Variants in CNOT6 observed in about 807,000 individuals in gnomAD.
CNOT6 encodes the protein carbon catabolite repression 4 protein.
In CNOT6, 12 loss-of-function variants were observed where a neutral mutation model predicts 61.2. The ratio of observed to expected loss-of-function variants is 0.20; its 90% CI spans 0.13 to 0.32. The LOEUF is 0.32. CNOT6 is among the 10% of genes least tolerant of loss of function. The pLI is 1.00. For synonymous variants in CNOT6, 225 were observed against 240.6 expected (o/e 0.94, Z 0.60); for missense variants, 405 against 663.9 (o/e 0.61, Z 4.28).
chr5:180,499,839 T>A (rs13156947), intron 1 of CNOT6, among the ~76,000 whole-genome samples: 2 of 152,194 alleles, frequency 1.3e-5, no homozygotes, highest in Admixed American at 6.5e-5. Flanking sequence ...GAATTACTTA[T>A]AATCAGATGG....
chr5:180,558,677 C>CTGTCTTTATTGAGACTTT (rs1760026700), intron 4 of CNOT6, among the ~76,000 whole-genome samples: 1 of 150,756 alleles, frequency 6.6e-6, no homozygotes, highest in African/African-American at 2.4e-5. Context: ...ATTGAGGCTT[C>CTGTCTTTATTGAGACTTT]TGTCTTTATT....
intron 2 of CNOT6, among the ~76,000 whole-genome samples, chr5:180,533,311 C>CATATATATATATATATATATATATATAT (rs1305701783): frequency 6.1e-5 from 4 of 65,220 alleles, no homozygotes; most frequent in East Asian, 4.0e-4. Context: ...TGGATGAAAA[C>CATATATATATATATATATATATATATAT]CTATATATAT....
At chr5:180,563,387 TTTG>T (rs552057399) in intron 4 of CNOT6, among the ~76,000 whole-genome samples, 2,845 of 45,346 alleles carry the variant, frequency 0.063, 37 homozygotes, top group South Asian at 0.23. Flanking sequence ...GCTGTTTTTT[TTTG>T]TTTGTTTTTG....
intron 1 of CNOT6, among the ~76,000 whole-genome samples, chr5:180,510,332 A>G (rs1188836924): frequency 6.6e-6 from 1 of 151,572 alleles, no homozygotes; most frequent in Non-Finnish European, 1.5e-5. Context: ...ACTGGCCAAT[A>G]TGTGAAGGAA....
chr5:180,501,789 G>A lies in CNOT6; in HGVS notation c.-3+7026G>A, dbSNP rs1283458921. Reference sequence around the variant, plus strand: ...TTGAAGAGACAAGGGCAGAACAGGAGAGAGTAACGCTACAGATGCCGAGAG... The same window carrying A: ...TTGAAGAGACAAGGGCAGAACAGGAAAGAGTAACGCTACAGATGCCGAGAG... On this transcript the variant is annotated intron_variant, in intron 1 of 11. Transcript: ENST00000261951. Among the ~76,000 whole-genome samples, 3 of 152,326 alleles carry A rather than the reference G, an allele frequency of 2.0e-5. No individual in the cohort carries two copies. The East Asian group carries it at 5.8e-4, about 29-fold the overall frequency.
In CNOT6 at chr5:180,577,966, T is replaced by C. The variant is rs1278742737; in HGVS notation, c.*3766T>C. The stretch of plus-strand genomic sequence containing the variant: ...CCAACCAATAAATTCAGTATCTGTT[T>C]CAAATATTTTAGAAGTGTAGTTTGT... On this transcript the variant is annotated 3_prime_UTR_variant, in exon 12 of 12. Coordinates refer to ENST00000261951, the MANE Select transcript of CNOT6 (RefSeq NM_001370472.1). The C allele has an allele frequency of 6.6e-6, 1 of 152,656 alleles. No homozygotes were observed. Among genetic ancestry groups the C allele is most frequent in the Non-Finnish European group, 1.5e-5 (1 of 68,046 alleles). 9.5% of individuals were successfully genotyped at this position (152,656 alleles called of 1,614,324 possible). A position where few individuals can be genotyped will look rare whatever the true frequency, so the allele number is the denominator to read the frequency against.
At chr5:180,573,131 C>T (rs1014406107) in intron 11 of CNOT6, among the ~76,000 whole-genome samples, 2 of 152,168 alleles carry the variant, frequency 1.3e-5, no homozygotes, top group African/African-American at 2.4e-5. Context: ...TTAGCGTTTT[C>T]TTTCTCTTTC....
At chr5:180,546,930 A>C (rs1395483561) in intron 2 of CNOT6, among the ~76,000 whole-genome samples, 1 of 152,218 alleles carries the variant, frequency 6.6e-6, no homozygotes, top group East Asian at 1.9e-4. Context: ...TTGGGGTTGG[A>C]ACCCAAGTCT....
intron 1 of CNOT6, among the ~76,000 whole-genome samples, chr5:180,501,454 T>A (rs956581493): frequency 6.6e-6 from 1 of 152,234 alleles, no homozygotes; most frequent in Non-Finnish European, 1.5e-5. Context: ...ACATACCTCC[T>A]GGATACTTAG....
intron 1 of CNOT6, among the ~76,000 whole-genome samples, chr5:180,511,715 A>G (rs1346484715): frequency 6.6e-6 from 1 of 151,928 alleles, no homozygotes; most frequent in Non-Finnish European, 1.5e-5. Flanking sequence ...GCAGTGAGCC[A>G]TGATTGTGCT....
intron 6 of CNOT6, among the ~76,000 whole-genome samples, chr5:180,565,085 A>G (rs977401382): frequency 6.6e-6 from 1 of 152,242 alleles, no homozygotes; most frequent in Non-Finnish European, 1.5e-5. Context: ...ATTCTATAGT[A>G]CACGGCACAG....
chr5:180,574,356 G>C lies in CNOT6; in HGVS notation c.*156G>C. On this transcript the variant is annotated 3_prime_UTR_variant, in exon 12 of 12. Coordinates refer to ENST00000261951, the MANE Select transcript of CNOT6 (RefSeq NM_001370472.1). ...GATAAGGATATAGTATGAAAGCCAG[G>C]TGCTAGCAACAGACAAATTCTGAGC... 1 of 655,442 alleles carries C rather than the reference G, an allele frequency of 1.5e-6. No homozygotes were observed. Among genetic ancestry groups the C allele is most frequent in the South Asian group, 1.9e-5 (1 of 52,756 alleles). The allele number at this position is 655,442 out of a possible 1,614,324, so 40.6% of individuals were successfully genotyped here.
At position 180,575,454 on chromosome 5, in the gene CNOT6, T is replaced by C. The variant is rs1457116674; in HGVS notation, c.*1254T>C. On this transcript the variant is annotated 3_prime_UTR_variant, in exon 12 of 12. Coordinates refer to ENST00000261951, the MANE Select transcript of CNOT6 (RefSeq NM_001370472.1). The stretch of plus-strand genomic sequence containing the variant: ...GTCAGTGTCTTTTCCTTAGTCTTTT[T>C]GTTGTTGTTGTTGTTGTTGTTTTAA... 2 of 151,766 alleles carry C rather than the reference T, an allele frequency of 1.3e-5. No homozygotes were observed. The highest frequency in any genetic ancestry group is 2.9e-5 in the Non-Finnish European group (2 of 67,930). 9.4% of individuals were successfully genotyped at this position (151,766 alleles called of 1,614,324 possible). A position where few individuals can be genotyped will look rare whatever the true frequency, so the allele number is the denominator to read the frequency against.
intron 11 of CNOT6, among the ~76,000 whole-genome samples, chr5:180,571,857 T>C (rs1223040152): frequency 1.3e-5 from 2 of 151,900 alleles, no homozygotes; most frequent in Middle Eastern, 3.4e-3. Context: ...ACCACTGTGC[T>C]CAGCCAGTAA....
At chr5:180,556,718 T>G (rs189595062) in intron 4 of CNOT6, among the ~76,000 whole-genome samples, 3 of 152,288 alleles carry the variant, frequency 2.0e-5, no homozygotes, top group East Asian at 3.9e-4. Context: ...TTTGGGAGGC[T>G]GAGGCAGGCA....
At chr5:180,498,369 G>A (rs1471373915) in intron 1 of CNOT6, among the ~76,000 whole-genome samples, 1 of 152,184 alleles carries the variant, frequency 6.6e-6, no homozygotes, top group Non-Finnish European at 1.5e-5. Flanking sequence ...AGGCTTCATA[G>A]GTGCACAGAG....
chr5:180,543,051 A>G (rs1759124917), intron 2 of CNOT6, among the ~76,000 whole-genome samples: 1 of 151,566 alleles, frequency 6.6e-6, no homozygotes, highest in South Asian at 2.1e-4. Flanking sequence ...ATTTTTTTAA[A>G]TTTATTTATT....
At chr5:180,567,758 A>G in intron 8 of CNOT6, 91 bp from the exon 9 acceptor site, 3 of 1,568,744 alleles carry the variant, frequency 1.9e-6, no homozygotes, top group South Asian at 1.1e-5. Flanking sequence ...CGTATCTGTT[A>G]AGGAAGTTTG....
intron 2 of CNOT6, 144 bp from the exon 3 acceptor site, chr5:180,549,787 G>A (rs1759505150): frequency 3.3e-6 from 2 of 600,920 alleles, no homozygotes; most frequent in East Asian, 2.7e-5. Context: ...CGTAGAATAG[G>A]TAAGATTTCC....
Sources: allele counts gnomAD v4.1 joint callset (sites outside exome capture counted in the v4.1 genomes callset), GRCh38; gene constraint gnomAD v4.1.1; transcripts MANE v1.5; gene names NCBI Gene and HGNC (gene_info 2026-07-23, HGNC 2026-07-21).